RIIAD1: variants seen among roughly 807,000 people sequenced by gnomAD.
RIIAD1 encodes the protein RIIa domain-containing protein 1.
Under a neutral mutation model 13.3 loss-of-function variants are expected in RIIAD1, and 15 were observed. The observed-to-expected ratio is 1.13, with a 90% CI of 0.76 to 1.74. The LOEUF is 1.74. RIIAD1 is among the 40% of genes most tolerant of loss of function. RIIAD1 has a pLI of 0.00. For synonymous variants in RIIAD1, 50 were observed against 43.3 expected (o/e 1.16, Z -0.61); for missense variants, 121 against 112.2 (o/e 1.08, Z -0.35).
At chr1:151,724,467 G>A (rs1216601353) in intron 2 of RIIAD1, among the ~76,000 whole-genome samples, 1 of 152,222 alleles carries the variant, frequency 6.6e-6, no homozygotes, top group Non-Finnish European at 1.5e-5. Flanking sequence ...AAAAGAAGAA[G>A]GGAGAAGTGA....
At chr1:151,729,185 G>A (rs1242907622) in intron 4 of RIIAD1, among the ~76,000 whole-genome samples, 1 of 152,092 alleles carries the variant, frequency 6.6e-6, no homozygotes, top group Non-Finnish European at 1.5e-5. Context: ...GAAATGGGGA[G>A]GGGGCCATTA....
At position 151,728,888 on chromosome 1, in the gene RIIAD1, C is replaced by T. The variant is rs569076951; in HGVS notation, c.*52C>T. On this transcript the variant is annotated 3_prime_UTR_variant, in exon 4 of 5. Transcript: ENST00000479191. ...TGGGAGAGACCAGACGGAATCCAGCCTCGGGGTGGGTGTTAACCTCACTTA... is the reference window on the plus strand; with the variant it reads ...TGGGAGAGACCAGACGGAATCCAGCTTCGGGGTGGGTGTTAACCTCACTTA... 84 of 1,039,362 alleles carry T rather than the reference C, an allele frequency of 8.1e-5. No individual in the cohort carries two copies. The African/African-American group carries it at 1.2e-3, about 15-fold the overall frequency. 64.4% of individuals were successfully genotyped at this position (1,039,362 alleles called of 1,614,324 possible).
At chr1:151,723,124 G>A (rs768553782) in intron 2 of RIIAD1, among the ~76,000 whole-genome samples, 2 of 152,248 alleles carry the variant, frequency 1.3e-5, no homozygotes, top group Non-Finnish European at 2.9e-5. Context: ...GTCAGGCAAG[G>A]TGGCTCATGC....
Position 151,714,318 on chromosome 1 carries a change from T to C in RIIAD1, c.-89-102T>C, listed in dbSNP as rs373422244. The C allele has an allele frequency of 2.7e-5, 16 of 599,900 alleles. No individual in the cohort carries two copies. The East Asian group carries it at 2.8e-4, about 10-fold the overall frequency. The allele number at this position is 599,900 out of a possible 1,614,324, so 37.2% of individuals were successfully genotyped here. ...CCTTCCAACCAGCGAGTCCTCCCTC[T>C]AGTGTTGCCCCATGGGCAGCTTGGG... On this transcript the variant is annotated intron_variant, in intron 3 of 8. Transcript: ENST00000326413.
chr1:151,719,057 C>G (rs1345018496), upstream of RIIAD1, among the ~76,000 whole-genome samples: 1 of 152,162 alleles, frequency 6.6e-6, no homozygotes, highest in Non-Finnish European at 1.5e-5. Context: ...ATGAACTCCC[C>G]TCACTCCTCC....
chr1:151,728,229 G>A (rs772644733), intron 3 of RIIAD1: 21 of 168,020 alleles, frequency 1.2e-4, no homozygotes, highest in Non-Finnish European at 2.4e-4. Flanking sequence ...TTCACAGTAT[G>A]CTGGGTGTAT....
chr1:151,718,428 C>T (rs1279354183), upstream of RIIAD1, among the ~76,000 whole-genome samples: 1 of 152,208 alleles, frequency 6.6e-6, no homozygotes, highest in Non-Finnish European at 1.5e-5. Flanking sequence ...ATTTAACTCC[C>T]ACATCAAACA....
exon 2 of RIIAD1, chr1:151,711,989 G>T (rs186277204): frequency 6.6e-6 from 1 of 152,240 alleles, no homozygotes; most frequent in Non-Finnish European, 1.5e-5. Flanking sequence ...AGCAAGGACC[G>T]TGCTGACGGT....
intron 4 of RIIAD1, chr1:151,716,201 G>A (rs1213908836): frequency 1.3e-5 from 8 of 606,700 alleles, no homozygotes; most frequent in Non-Finnish European, 1.4e-5. Flanking sequence ...GGCCCAGGGA[G>A]TTGAGTGCTA....
intron 4 of RIIAD1, chr1:151,716,235 C>T: frequency 2.0e-6 from 1 of 512,572 alleles, no homozygotes; most frequent in Non-Finnish European, 3.4e-6. Flanking sequence ...TAGGCAGACG[C>T]TGTCATGCCA....
chr1:151,722,141 G>A lies in RIIAD1; in HGVS notation c.140G>A (p.Trp47Ter). The A allele has an allele frequency of 1.9e-6, 3 of 1,551,060 alleles. No homozygotes were observed. The highest frequency in any genetic ancestry group is 8.7e-7 in the Non-Finnish European group (1 of 1,146,484). ...CTAAGGACCCACAAAGAAGTAGAGT[G>A]GCTCATAAGTGGTTTCTTCAGGTAG... ...KYLRTHKEVE[W>*]LISGFFREIF... Residue 47 changes from tryptophan to a stop codon, truncating the protein, a stop_gained, in exon 2 of 5, where the codon TGG becomes TAG. Transcript: ENST00000479191. LOFTEE classifies it high-confidence loss of function.
rs148707785 is a variant in RIIAD1, at chr1:151,725,652, A to ACGGATTTAT, written c.162-1922_162-1914dup. 1.0e-3 allele frequency among the ~76,000 whole-genome samples: 152 copies of ACGGATTTAT among 152,194 alleles called. 2 individuals carry two copies. The East Asian group carries it at 0.022, about 22-fold the overall frequency. On this transcript the variant is annotated intron_variant, in intron 2 of 4. Transcript: ENST00000479191. Reference sequence around the variant, plus strand: ...AGCCAGTATCCTGACTTCTACTAGCACGGATTTATTGTGCGCTTTTGTATT... The same window carrying ACGGATTTAT: ...AGCCAGTATCCTGACTTCTACTAGCACGGATTTATCGGATTTATTGTGCGCTTTTGTATT...
chr1:151,719,905 G>T (rs996737475), upstream of RIIAD1, among the ~76,000 whole-genome samples: 1 of 152,184 alleles, frequency 6.6e-6, no homozygotes, highest in South Asian at 2.1e-4. Flanking sequence ...CACTGTGCAT[G>T]CCTGTGTGTG....
In RIIAD1 at chr1:151,714,309, T is replaced by A. The variant is rs1238882286; in HGVS notation, c.-89-111T>A. On this transcript the variant is annotated intron_variant, in intron 3 of 8. Coordinates refer to the RIIAD1 transcript ENST00000326413. Reference sequence around the variant, plus strand: ...TTCCCCACACCTTCCAACCAGCGAGTCCTCCCTCTAGTGTTGCCCCATGGG... The same window carrying A: ...TTCCCCACACCTTCCAACCAGCGAGACCTCCCTCTAGTGTTGCCCCATGGG... 8 of 580,354 alleles carry A rather than the reference T, an allele frequency of 1.4e-5. No individual in the cohort carries two copies. The African/African-American group carries it at 1.5e-4, about 11-fold the overall frequency. The allele number at this position is 580,354 out of a possible 1,614,324, so 36.0% of individuals were successfully genotyped here.
chr1:151,723,220 C>T (rs1051628531), intron 2 of RIIAD1, among the ~76,000 whole-genome samples: 1 of 151,956 alleles, frequency 6.6e-6, no homozygotes, highest in African/African-American at 2.4e-5. Context: ...CATGGTGAAA[C>T]CCCGTCTCTA....
In RIIAD1 at chr1:151,728,413, C is replaced by A. The variant is rs1383213800; in HGVS notation, c.209-353C>A. 6 of 286,900 alleles carry A rather than the reference C, an allele frequency of 2.1e-5. No individual in the cohort carries two copies. The East Asian group carries it at 5.0e-4, about 24-fold the overall frequency. The allele number at this position is 286,900 out of a possible 1,614,324, so 17.8% of individuals were successfully genotyped here. On this transcript the variant is annotated intron_variant, in intron 3 of 4. Transcript: ENST00000479191. ...GCCTGGAGCAGAAAACCCAGAGAAT[C>A]CCTGAGCCCTCTGATGGCTCTCTGT...
chr1:151,725,746 A>G (rs1319157280), intron 2 of RIIAD1, among the ~76,000 whole-genome samples: 2 of 152,188 alleles, frequency 1.3e-5, no homozygotes, highest in African/African-American at 2.4e-5. Flanking sequence ...CGTATCTTGT[A>G]GATCCTCCAT....
chr1:151,716,292 C>G, intron 4 of RIIAD1: 3 of 430,326 alleles, frequency 7.0e-6, no homozygotes, highest in Non-Finnish European at 1.2e-5. Flanking sequence ...AGAGATCTGG[C>G]AAATGTCCCA....
chr1:151,725,318 G>T (rs1283787186), intron 2 of RIIAD1, among the ~76,000 whole-genome samples: 2 of 151,656 alleles, frequency 1.3e-5, no homozygotes, highest in South Asian at 2.1e-4. Flanking sequence ...CACTATGTTG[G>T]CCAGGCTGGT....
Sources: gnomAD v4.1 joint callset for allele counts (sites outside exome capture counted in the v4.1 genomes callset) on GRCh38, gnomAD v4.1.1 for gene constraint, MANE v1.5 for transcripts, NCBI Gene and HGNC (gene_info 2026-07-23, HGNC 2026-07-21) for gene names.